The following ANKAR variants were observed in gnomAD, a reference collection of about 807,000 sequenced individuals.
ANKAR encodes ankyrin and armadillo repeat containing, also known as ankyrin and armadillo repeat-containing protein.
Under a neutral mutation model 146.2 loss-of-function variants are expected in ANKAR, and 136 were observed. The ratio of observed to expected loss-of-function variants is 0.93; its 90% CI spans 0.81 to 1.07. The LOEUF is 1.07. Among genes scored for constraint, ANKAR ranks in the 50% least tolerant of loss-of-function variants. The probability of loss-of-function intolerance (pLI) is 0.00; values close to 1 mark genes in which losing one functional copy is unlikely to be tolerated. For synonymous variants in ANKAR, 500 were observed against 575.8 expected (o/e 0.87, Z 1.88); for missense variants, 1,567 against 1,679.9 (o/e 0.93, Z 1.18).
intron 20 of ANKAR, among the ~76,000 whole-genome samples, chr2:189,742,904 TGACACACACACA>T (rs1212954865): frequency 4.2e-3 from 44 of 10,558 alleles, no homozygotes; most frequent in Middle Eastern, 0.083. Context: ...TAGAATTACC[TGACACACACACA>T]CACACACACA....
chr2:189,696,936 A>G (rs933281682), intron 7 of ANKAR, among the ~76,000 whole-genome samples: 1 of 152,178 alleles, frequency 6.6e-6, no homozygotes, highest in Non-Finnish European at 1.5e-5. Flanking sequence ...TTTAGCATTA[A>G]TAGCCCCTTT....
intron 16 of ANKAR, among the ~76,000 whole-genome samples, chr2:189,732,213 A>ACTTTTCATAGAAATGC (rs2042467431): frequency 6.6e-6 from 1 of 152,234 alleles, no homozygotes; most frequent in Non-Finnish European, 1.5e-5. Context: ...TGCATAGTAC[A>ACTTTTCATAGAAATGC]ACACTTTAAA....
At chr2:189,675,894 G>A (rs990674134) in intron 1 of ANKAR, 1 of 152,606 alleles carries the variant, frequency 6.6e-6, no homozygotes, top group Non-Finnish European at 1.5e-5. Flanking sequence ...TTGTTTAAGA[G>A]TAGACACCTC....
At chr2:189,682,628 A>G (rs2034904151) in intron 2 of ANKAR, among the ~76,000 whole-genome samples, 2 of 152,244 alleles carry the variant, frequency 1.3e-5, no homozygotes, top group South Asian at 4.1e-4. Flanking sequence ...TGATTAAAGA[A>G]GCATCAGGTC....
At chr2:189,718,173 T>C (rs2040748848) in intron 10 of ANKAR, among the ~76,000 whole-genome samples, 1 of 152,204 alleles carries the variant, frequency 6.6e-6, no homozygotes, top group East Asian at 1.9e-4. Flanking sequence ...AAATGTTCAG[T>C]TGGGCATGGT....
At chr2:189,750,413 A>AT (rs1217134995), downstream of ANKAR, 1 of 487,296 alleles carries the variant, frequency 2.1e-6, no homozygotes, top group African/African-American at 2.0e-5. Flanking sequence ...CTTTTAACAC[A>AT]TTATAGTATC....
At chr2:189,675,386 C>G (rs756244510) in intron 1 of ANKAR, among the ~76,000 whole-genome samples, 19 of 148,046 alleles carry the variant, frequency 1.3e-4, no homozygotes, top group African/African-American at 4.7e-4. Context: ...TTTTTTTTTT[C>G]TTTTTTTGAA....
intron 12 of ANKAR, among the ~76,000 whole-genome samples, chr2:189,727,406 ACACCTGTAGTCC>A (rs2041991121): frequency 6.6e-6 from 1 of 151,634 alleles, no homozygotes; most frequent in Non-Finnish European, 1.5e-5. Context: ...GTGGTGGTGC[ACACCTGTAGTCC>A]CAGCTACTCA....
chr2:189,707,023 AG>A lies in ANKAR; in HGVS notation c.1997del (p.Arg666LysfsTer10), dbSNP rs1451390524. The A allele has an allele frequency of 6.2e-7, 1 of 1,613,714 alleles. No individual in the cohort carries two copies. Among genetic ancestry groups the A allele is most frequent in the South Asian group, 1.1e-5 (1 of 91,016 alleles). ...CCTGTTTTCTATCGGTGCTAACTGG[AG>A]AAAAACAGATATTAAAGGAAATAAT... Reference protein sequence around the residue: ...QYLFSIGANWRKTDIKGNNII... With the variant: ...QYLFSIGANWXKTDIKGNNII... On this transcript the variant is annotated frameshift_variant, in exon 9 of 23. Transcript: ENST00000684021. LOFTEE classifies it high-confidence loss of function.
Position 189,728,304 on chromosome 2 carries a change from C to T in ANKAR, c.2915C>T (p.Ala972Val). ...GATGTTAAGGAACAAGGAGCTGTTG[C>T]ACTTTGGGCCTTGGCAGGACAAACA... Reference protein sequence around the residue: ...QIDVKEQGAVALWALAGQTLK... With the variant: ...QIDVKEQGAVVLWALAGQTLK... The change falls in exon 14 of 23, where the codon GCA becomes GTA. Residue 972 changes from alanine (A) to valine (V), a missense_variant. Physicochemically the swap from Ala to Val is moderately conservative, Grantham distance 64. Transcript: ENST00000684021. 6.2e-7 allele frequency: 1 copy of T among 1,612,192 alleles called. No individual in the cohort carries two copies. The highest frequency in any genetic ancestry group is 2.2e-5 in the East Asian group (1 of 44,854).
In ANKAR at chr2:189,728,425, G is replaced by A. The variant is rs539216973; in HGVS notation, c.3031+5G>A. On this transcript the variant is annotated splice_donor_5th_base_variant and intron_variant, in intron 14 of 22. Coordinates refer to ENST00000684021, the MANE Select transcript of ANKAR (RefSeq NM_001378068.1). ...CAGCTAAAATGCAGTATGTTGGTAAGTTATTTTCCTTATTTTATTTTTATT... is the reference window on the plus strand; with the variant it reads ...CAGCTAAAATGCAGTATGTTGGTAAATTATTTTCCTTATTTTATTTTTATT... 6.3e-7 allele frequency: 1 copy of A among 1,578,274 alleles called. No individual in the cohort carries two copies. Among genetic ancestry groups the A allele is most frequent in the Non-Finnish European group, 8.6e-7 (1 of 1,169,022 alleles).
intron 19 of ANKAR, among the ~76,000 whole-genome samples, chr2:189,740,294 C>A (rs1414534236): frequency 1.3e-5 from 2 of 152,168 alleles, no homozygotes; most frequent in Non-Finnish European, 2.9e-5. Flanking sequence ...GTCTTTTTAA[C>A]TTTAAATAGA....
At position 189,696,204 on chromosome 2, in the gene ANKAR, C is replaced by T. The variant is rs750983937; in HGVS notation, c.1543C>T (p.His515Tyr). 7.3e-5 allele frequency: 118 copies of T among 1,613,858 alleles called. No homozygotes were observed. Among genetic ancestry groups the T allele is most frequent in the Non-Finnish European group, 9.6e-5 (113 of 1,180,006 alleles). The change falls in exon 7 of 23, where the codon CAC (histidine) becomes TAC (tyrosine). Residue 515 changes from histidine (H) to tyrosine (Y), a missense_variant. Coordinates refer to ENST00000684021, the MANE Select transcript of ANKAR (RefSeq NM_001378068.1). ...AVERGLSAVF[H>Y]TFSRKTSSST... ...TGAAAGAGGGTTGTCTGCAGTTTTC[C>T]ACACATTTAGCCGTAAAACCTCAAG...
At chr2:189,679,124 T>C (rs1029413850) in intron 2 of ANKAR, among the ~76,000 whole-genome samples, 1 of 152,242 alleles carries the variant, frequency 6.6e-6, no homozygotes. Context: ...TAGTTTTCCT[T>C]GTAAAAATTA....
chr2:189,724,615 AAATG>A, intron 12 of ANKAR, among the ~76,000 whole-genome samples: 1 of 152,348 alleles, frequency 6.6e-6, no homozygotes, highest in African/African-American at 2.4e-5. Flanking sequence ...TTAGATGATT[AAATG>A]AATAACATAC....
At chr2:189,719,443 A>T (rs963471853) in intron 10 of ANKAR, 129 bp from the exon 11 acceptor site, 2 of 694,664 alleles carry the variant, frequency 2.9e-6, no homozygotes, top group Non-Finnish European at 4.0e-6. Context: ...TAAATATTTT[A>T]TAGAATTATT....
intron 10 of ANKAR, among the ~76,000 whole-genome samples, chr2:189,718,001 G>A (rs1260090536): frequency 6.6e-6 from 1 of 152,140 alleles, no homozygotes; most frequent in African/African-American, 2.4e-5. Context: ...ACAAGTTAAT[G>A]GGTGCAGCAA....
chr2:189,705,865 G>C (rs768307783), intron 8 of ANKAR, among the ~76,000 whole-genome samples: 2 of 152,030 alleles, frequency 1.3e-5, no homozygotes, highest in Non-Finnish European at 2.9e-5. Context: ...AAATCTAAAG[G>C]CCAGGTCATT....
At chr2:189,743,582 T>G (rs2043668180) in intron 21 of ANKAR, 108 bp downstream of exon 21, 4 of 984,944 alleles carry the variant, frequency 4.1e-6, no homozygotes, top group Non-Finnish European at 4.5e-6. Flanking sequence ...TGAACATATC[T>G]CCTGTATAGC....
Sources: gnomAD v4.1 joint callset for allele counts (sites outside exome capture counted in the v4.1 genomes callset) on GRCh38, gnomAD v4.1.1 for gene constraint, MANE v1.5 for transcripts, NCBI Gene and HGNC (gene_info 2026-07-23, HGNC 2026-07-21) for gene names.